The following MYT1L variants were observed in gnomAD, a reference collection of about 807,000 sequenced individuals.
MYT1L encodes the protein myelin transcription factor 1 like.
In MYT1L, 12 loss-of-function variants were observed where a neutral mutation model predicts 126.7. The ratio of observed to expected loss-of-function variants is 0.09; its 90% CI spans 0.06 to 0.15. The LOEUF (loss-of-function observed/expected upper bound fraction) is 0.15. Ranked by LOEUF, MYT1L falls within the 10% of genes least tolerant of loss-of-function variation. MYT1L has a pLI of 1.00. For synonymous variants in MYT1L, 541 were observed against 604.2 expected, an observed-to-expected ratio of 0.90 and a Z score of 1.53; for missense variants, 979 against 1,585.2, an observed-to-expected ratio of 0.62 and a Z score of 6.49.
At chr2:1,961,042 C>T (rs2058919816) in intron 8 of MYT1L, among the ~76,000 whole-genome samples, 1 of 152,034 alleles carries the variant, frequency 6.6e-6, no homozygotes, top group Non-Finnish European at 1.5e-5. Flanking sequence ...GCAGTTAGCA[C>T]TCAACAATTA....
At position 1,806,006 on chromosome 2, in the gene MYT1L, G is replaced by A. The variant is rs1367768157; in HGVS notation, c.3172+3070C>T. Among the ~76,000 whole-genome samples the A allele has an allele frequency of 7.2e-6, 1 of 139,554 alleles. No homozygotes were observed. The highest frequency in any genetic ancestry group is 7.2e-5 in the Admixed American group (1 of 13,858). 91.6% of individuals were successfully genotyped at this position (139,554 alleles called of 152,430 possible). On this transcript the variant is annotated intron_variant, in intron 22 of 24. Coordinates refer to ENST00000647738, the MANE Select transcript of MYT1L (RefSeq NM_001303052.2). The surrounding 1 kb of genome is among the most constrained non-coding windows in gnomAD (Gnocchi z 4.9). ...GGATGCTGTGCCTCTGTCCCCTGAA[G>A]AGCATCAGGAATTGGATGCTGTGCC...
At chr2:2,173,827 T>C (rs1265086565) in intron 2 of MYT1L, among the ~76,000 whole-genome samples, 1 of 152,206 alleles carries the variant, frequency 6.6e-6, no homozygotes, top group East Asian at 1.9e-4. Flanking sequence ...GAAGAGACCC[T>C]GAGGGGCTCC....
rs796793209 is a variant in MYT1L, at chr2:1,953,005, T to C, written c.153-9671A>G. 1.4e-3 allele frequency among the ~76,000 whole-genome samples: 193 copies of C among 142,122 alleles called. 1 individual carries two copies. In the East Asian group the frequency reaches 0.027, roughly 20 times the overall value. 93.2% of individuals were successfully genotyped at this position (142,122 alleles called of 152,430 possible). A position where few individuals can be genotyped will look rare whatever the true frequency, so the allele number is the denominator to read the frequency against. On this transcript the variant is annotated intron_variant, in intron 8 of 24. Coordinates refer to ENST00000647738, the MANE Select transcript of MYT1L (RefSeq NM_001303052.2). Reference sequence around the variant, plus strand: ...TTTCTCTTTCTTTCTTTTCTTTTCTTTTCCTTCCTTCCTTCCTTCCTCTTT... The same window carrying C: ...TTTCTCTTTCTTTCTTTTCTTTTCTCTTCCTTCCTTCCTTCCTTCCTCTTT...
chr2:1,846,190 G>A (rs530680885), intron 19 of MYT1L, among the ~76,000 whole-genome samples: 14 of 152,334 alleles, frequency 9.2e-5, no homozygotes, highest in Middle Eastern at 3.4e-3. Context: ...ATGCGTGAGA[G>A]TGCGCCAGGC....
chr2:2,321,883 A>G (rs1020252344), intron 1 of MYT1L, among the ~76,000 whole-genome samples: 2 of 152,168 alleles, frequency 1.3e-5, no homozygotes, highest in Non-Finnish European at 2.9e-5. Context: ...AGCAGTCAGT[A>G]TGTAATATTG....
chr2:1,849,962 C>T (rs1226410822), intron 19 of MYT1L, among the ~76,000 whole-genome samples: 1 of 150,122 alleles, frequency 6.7e-6, no homozygotes, highest in African/African-American at 2.5e-5. Flanking sequence ...GATCTGGTCA[C>T]TCAGGGACAG....
chr2:2,004,260 TTCTTTCCTGCAG>T (rs1392084955), intron 4 of MYT1L, among the ~76,000 whole-genome samples: 1 of 142,896 alleles, frequency 7.0e-6, no homozygotes, highest in African/African-American at 2.6e-5. Flanking sequence ...CCTGCAGGCG[TTCTTTCCTGCAG>T]GCGTTCTTTC....
rs1331560940 is a variant in MYT1L, at chr2:1,838,596, C to T, written c.3080+553G>A. ...GGTCCCATCCCAGGTCTTCACTCCC[C>T]GCAGAGGGACCGACTGCACAATCTG... On this transcript the variant is annotated intron_variant, in intron 21 of 24. Coordinates refer to ENST00000647738, the MANE Select transcript of MYT1L (RefSeq NM_001303052.2). 2.6e-5 allele frequency among the ~76,000 whole-genome samples: 4 copies of T among 152,312 alleles called. No homozygotes were observed. In the East Asian group the frequency reaches 5.8e-4, roughly 22 times the overall value.
intron 3 of MYT1L, among the ~76,000 whole-genome samples, chr2:2,116,350 G>A (rs373276845): frequency 6.6e-6 from 1 of 152,188 alleles, no homozygotes; most frequent in African/African-American, 2.4e-5. Flanking sequence ...AAATACAGAT[G>A]TTCTTCCCAA....
intron 4 of MYT1L, among the ~76,000 whole-genome samples, chr2:2,012,678 G>A (rs956751229): frequency 6.6e-6 from 1 of 152,166 alleles, no homozygotes. Context: ...GTGTGCTCGT[G>A]ATGAAATCTC....
At chr2:1,832,606 C>T (rs557761168) in intron 21 of MYT1L, among the ~76,000 whole-genome samples, 33 of 152,300 alleles carry the variant, frequency 2.2e-4, no homozygotes, top group Admixed American at 1.9e-3. Flanking sequence ...TCGCTTAGGT[C>T]TGCAGGAACG....
chr2:2,037,590 T>C (rs1222188657), intron 4 of MYT1L, among the ~76,000 whole-genome samples: 2 of 151,798 alleles, frequency 1.3e-5, no homozygotes, highest in Non-Finnish European at 2.9e-5. Context: ...ACCCCATCTC[T>C]ACTAAAAATA....
At chr2:2,172,312 C>T (rs1210680914) in intron 3 of MYT1L, among the ~76,000 whole-genome samples, 1 of 152,116 alleles carries the variant, frequency 6.6e-6, no homozygotes, top group Non-Finnish European at 1.5e-5. Context: ...GCCATTTCCA[C>T]GTGAGGGTCA....
intron 19 of MYT1L, chr2:1,842,118 G>C (rs987825020): frequency 2.0e-5 from 3 of 152,302 alleles, no homozygotes; most frequent in African/African-American, 7.2e-5. Context: ...ACACGGGTGG[G>C]TCCAGGTGGG....
chr2:1,996,310 T>A (rs2061833652), intron 5 of MYT1L, among the ~76,000 whole-genome samples: 1 of 150,528 alleles, frequency 6.6e-6, no homozygotes, highest in African/African-American at 2.5e-5. Flanking sequence ...CTTTACCTAC[T>A]GAGTGAGGGC....
At chr2:2,324,730 C>G (rs151179040) in intron 1 of MYT1L, 1 of 152,690 alleles carries the variant, frequency 6.5e-6, no homozygotes, top group Non-Finnish European at 1.5e-5. Context: ...GACCACATCG[C>G]TGCAGCAGAA....
chr2:2,227,531 T>C (rs557401958), intron 2 of MYT1L, among the ~76,000 whole-genome samples: 1 of 152,264 alleles, frequency 6.6e-6, no homozygotes, highest in Admixed American at 6.5e-5. Flanking sequence ...CATAAGGACC[T>C]CATCTCTTCC....
chr2:2,208,958 A>C (rs2093408555), intron 2 of MYT1L, among the ~76,000 whole-genome samples: 2 of 152,060 alleles, frequency 1.3e-5, no homozygotes, highest in South Asian at 4.1e-4. Flanking sequence ...ATCATTTTTC[A>C]AATGTCATAG....
chr2:2,007,299 C>A (rs1020233801), intron 4 of MYT1L, among the ~76,000 whole-genome samples: 8 of 152,034 alleles, frequency 5.3e-5, no homozygotes, highest in African/African-American at 1.7e-4. Flanking sequence ...CAAGGCTTCC[C>A]TTTTGTCCAC....
Sources: gnomAD v4.1 joint callset for allele counts (sites outside exome capture counted in the v4.1 genomes callset) on GRCh38, gnomAD v4.1.1 for gene constraint, Gnocchi (gnomAD v3.1) non-coding constraint, MANE v1.5 for transcripts, NCBI Gene and HGNC (gene_info 2026-07-23, HGNC 2026-07-21) for gene names.